XPR1: variants seen among roughly 807,000 people sequenced by gnomAD.
XPR1 encodes solute carrier family 53 member 1.
XPR1 carries 28 observed loss-of-function variants against 87.5 expected under a neutral mutation model. The observed-to-expected ratio is 0.32, with a 90% CI of 0.24 to 0.44. The LOEUF (loss-of-function observed/expected upper bound fraction) is 0.44. Among genes scored for constraint, XPR1 ranks in the 20% least tolerant of loss-of-function variants. The probability of loss-of-function intolerance (pLI) is 1.00; values close to 1 mark genes in which losing one functional copy is unlikely to be tolerated. For synonymous variants in XPR1, 300 were observed against 306.1 expected, an observed-to-expected ratio of 0.98 and a Z score of 0.21; for missense variants, 559 against 862.3, an observed-to-expected ratio of 0.65 and a Z score of 4.41.
intron 2 of XPR1, among the ~76,000 whole-genome samples, chr1:180,766,614 G>A (rs1314283990): frequency 1.3e-5 from 2 of 152,116 alleles, no homozygotes; most frequent in Non-Finnish European, 1.5e-5. Context: ...AACCTTTTGT[G>A]AAATTGTAAT....
chr1:180,683,572 G>A (rs1386150501), intron 2 of XPR1, among the ~76,000 whole-genome samples: 5 of 152,054 alleles, frequency 3.3e-5, no homozygotes, highest in Non-Finnish European at 5.9e-5. Flanking sequence ...ACTAGTTTAT[G>A]GTCCCACCGA....
chr1:180,709,667 C>T (rs1657693539), intron 2 of XPR1, among the ~76,000 whole-genome samples: 2 of 152,114 alleles, frequency 1.3e-5, no homozygotes, highest in Middle Eastern at 3.2e-3. Flanking sequence ...TTTTCCATGT[C>T]TTCACCAATA....
chr1:180,863,955 C>T, intron 12 of XPR1, 81 bp downstream of exon 12: 3 of 1,138,836 alleles, frequency 2.6e-6, no homozygotes, highest in Non-Finnish European at 3.5e-6. Flanking sequence ...CAGACCCAAC[C>T]TCTAATTATA....
Position 180,806,512 on chromosome 1 carries a change from A to G in XPR1, c.636A>G (p.Gln212=), listed in dbSNP as rs755763968. The change falls in exon 6 of 15, where the codon CAA becomes CAG. Residue 212 remains glutamine, a synonymous_variant. Coordinates refer to ENST00000367590, the MANE Select transcript of XPR1 (RefSeq NM_004736.4). ...ATGAACTTGAAGATGGTGACAGACA[A>G]AAGGCTATGAAGCGTTTACGTGTCC... ...VTNELEDGDR[Q]KAMKRLRVPP... The G allele has an allele frequency of 3.8e-5, 62 of 1,613,296 alleles. No individual in the cohort carries two copies. In the South Asian group the frequency reaches 6.4e-4, roughly 17 times the overall value.
intron 11 of XPR1, among the ~76,000 whole-genome samples, chr1:180,851,742 AG>A (rs980006788): frequency 6.6e-6 from 1 of 152,118 alleles, no homozygotes; most frequent in African/African-American, 2.4e-5. Context: ...TGATCTGGGA[AG>A]GGGTATCTGA....
At chr1:180,883,802 G>A (rs1244390690) in intron 14 of XPR1, among the ~76,000 whole-genome samples, 1 of 151,714 alleles carries the variant, frequency 6.6e-6, no homozygotes, top group Non-Finnish European at 1.5e-5. Flanking sequence ...ACCTTCCTCT[G>A]GTTGTGATCT....
chr1:180,781,129 A>G (rs1318426608), intron 2 of XPR1, among the ~76,000 whole-genome samples: 2 of 150,498 alleles, frequency 1.3e-5, no homozygotes, highest in East Asian at 3.9e-4. Flanking sequence ...GTCTAACTTC[A>G]TTCTTTTGCA....
At chr1:180,781,199 T>C (rs10914105) in intron 2 of XPR1, among the ~76,000 whole-genome samples, 6,532 of 152,046 alleles carry the variant, frequency 0.043, 516 homozygotes, top group African/African-American at 0.15. Context: ...TATCATATTT[T>C]TCACAAAATA....
intron 3 of XPR1, among the ~76,000 whole-genome samples, chr1:180,800,279 A>G (rs1649732347): frequency 6.6e-6 from 1 of 152,238 alleles, no homozygotes; most frequent in African/African-American, 2.4e-5. Context: ...GCTAAACCAC[A>G]GTGGTGCCTG....
In XPR1 at chr1:180,884,076, A is replaced by C; in HGVS notation, c.*10A>C. 2 of 1,613,562 alleles carry C rather than the reference A, an allele frequency of 1.2e-6. No homozygotes were observed. The highest frequency in any genetic ancestry group is 1.7e-6 in the Non-Finnish European group (2 of 1,179,572). On this transcript the variant is annotated 3_prime_UTR_variant, in exon 15 of 15. Transcript: ENST00000367590. ...TGAAGCTAACACTTGAATTTTCTGA[A>C]GTCTAGCTTAACATCTTTGGTTTTC... is the stretch of plus-strand genomic sequence containing the variant.
chr1:180,826,817 AT>A (rs891801850), intron 9 of XPR1, among the ~76,000 whole-genome samples: 10 of 151,220 alleles, frequency 6.6e-5, no homozygotes, highest in Non-Finnish European at 1.5e-4. Flanking sequence ...AAACATAACA[AT>A]TTTTTTTTAA....
At chr1:180,820,462 T>A (rs1294695952) in intron 7 of XPR1, among the ~76,000 whole-genome samples, 1 of 152,250 alleles carries the variant, frequency 6.6e-6, no homozygotes, top group Non-Finnish European at 1.5e-5. Flanking sequence ...TACTTCATTC[T>A]TTTTATGGCT....
At chr1:180,862,677 G>A (rs1276863975) in intron 11 of XPR1, among the ~76,000 whole-genome samples, 1 of 151,348 alleles carries the variant, frequency 6.6e-6, no homozygotes, top group Non-Finnish European at 1.5e-5. Context: ...AAATCATACT[G>A]TACTTATTAA....
rs377092046 is a variant in XPR1 at position 180,703,956 on chromosome 1, A to G, written c.121+21545A>G. On this transcript the variant is annotated intron_variant, in intron 2 of 14. Transcript: ENST00000367590. The stretch of plus-strand genomic sequence containing the variant: ...CAGAAAATTCTGTTTGTTAGAGCTA[A>G]TTTATAGGTTTCTGCTGCATCTCTT... Among the ~76,000 whole-genome samples the G allele has an allele frequency of 1.4e-4, 21 of 152,028 alleles. No individual in the cohort carries two copies. The East Asian group carries it at 3.7e-3, about 27-fold the overall frequency.
At chr1:180,632,977 G>A (rs897439571) in intron 1 of XPR1, among the ~76,000 whole-genome samples, 1 of 152,148 alleles carries the variant, frequency 6.6e-6, no homozygotes, top group African/African-American at 2.4e-5. Context: ...TTTGCCTCTT[G>A]TTTTGGAATG....
chr1:180,798,304 TATCTTAATAG>T (rs1463795568), intron 3 of XPR1, among the ~76,000 whole-genome samples: 1 of 152,148 alleles, frequency 6.6e-6, no homozygotes, highest in Admixed American at 6.5e-5. Context: ...CGGAAGTTAG[TATCTTAATAG>T]ATCAATCAAA....
chr1:180,684,261 A>T (rs1215143885), intron 2 of XPR1, among the ~76,000 whole-genome samples: 2 of 152,168 alleles, frequency 1.3e-5, no homozygotes, highest in Admixed American at 1.3e-4. Flanking sequence ...AGGTTTGTCA[A>T]AGATCAGATG....
At chr1:180,785,444 C>T (rs1649105558) in intron 2 of XPR1, among the ~76,000 whole-genome samples, 1 of 152,036 alleles carries the variant, frequency 6.6e-6, no homozygotes, top group Non-Finnish European at 1.5e-5. Context: ...AGGCATGAGC[C>T]ACCACACCCA....
chr1:180,687,871 A>G (rs10399804), intron 2 of XPR1, among the ~76,000 whole-genome samples: 6,501 of 151,536 alleles, frequency 0.043, 497 homozygotes, highest in African/African-American at 0.15. Flanking sequence ...TATTTCTGAT[A>G]TATTTCATTA....
Sources: gnomAD v4.1 joint callset for allele counts (sites outside exome capture counted in the v4.1 genomes callset) on GRCh38, gnomAD v4.1.1 for gene constraint, MANE v1.5 for transcripts, NCBI Gene and HGNC (gene_info 2026-07-23, HGNC 2026-07-21) for gene names.